TOP6BL: variants seen among roughly 807,000 people sequenced by gnomAD.
TOP6BL encodes TOP6B like initiator of meiotic double strand breaks.
chr11:66,835,424 G>T, the TOP6BL span, among the ~76,000 whole-genome samples: 5 of 152,280 alleles, frequency 3.3e-5, 1 homozygote, highest in East Asian at 9.6e-4. Flanking sequence ...CTCTCATGGA[G>T]ATAATTCATA....
At chr11:66,842,985 CCTCA>C in the TOP6BL span, 1 of 1,550,538 alleles carries the variant, frequency 6.4e-7, no homozygotes. Flanking sequence ...CCGCGGCCCC[CCTCA>C]CTCCTAGAGG....
At chr11:66,744,770 T>C in the TOP6BL span, 11 of 1,219,278 alleles carry the variant, frequency 9.0e-6, no homozygotes, top group South Asian at 2.8e-4. Context: ...GGCGTGGGCG[T>C]GGACTCGGGC....
chr11:66,759,219 C>T, the TOP6BL span: 3 of 617,566 alleles, frequency 4.9e-6, no homozygotes, highest in South Asian at 7.0e-5. Flanking sequence ...TACAGGATGC[C>T]CACTTAAATT....
At chr11:66,773,667 A>G in the TOP6BL span, among the ~76,000 whole-genome samples, 1 of 151,972 alleles carries the variant, frequency 6.6e-6, no homozygotes, top group Non-Finnish European at 1.5e-5. Flanking sequence ...TTCTAGTTTT[A>G]TAAAGTGAAA....
the TOP6BL span, among the ~76,000 whole-genome samples, chr11:66,837,843 C>G: frequency 6.6e-6 from 1 of 152,142 alleles, no homozygotes; most frequent in Non-Finnish European, 1.5e-5. Flanking sequence ...GTAAGAACCT[C>G]TTTTTCTCTG....
chr11:66,833,718 C>A, the TOP6BL span, among the ~76,000 whole-genome samples: 1 of 152,070 alleles, frequency 6.6e-6, no homozygotes, highest in African/African-American at 2.4e-5. Context: ...GAGGGCAAGG[C>A]AGGTGGATCA....
the TOP6BL span, among the ~76,000 whole-genome samples, chr11:66,752,619 A>G: frequency 6.6e-6 from 1 of 151,644 alleles, no homozygotes; most frequent in Non-Finnish European, 1.5e-5. Flanking sequence ...TGCCTGGCTA[A>G]TTTTTGTATT....
the TOP6BL span, chr11:66,803,942 A>G: frequency 6.8e-7 from 1 of 1,466,014 alleles, no homozygotes; most frequent in Non-Finnish European, 9.4e-7. Flanking sequence ...GCTCTTTTAA[A>G]TAATTTCTTA....
the TOP6BL span, among the ~76,000 whole-genome samples, chr11:66,745,468 C>G: frequency 1.3e-5 from 2 of 152,170 alleles, no homozygotes; most frequent in African/African-American, 2.4e-5. Flanking sequence ...CACCTGTGCT[C>G]GGGGAGCTGC....
At chr11:66,755,422 G>T in the TOP6BL span, among the ~76,000 whole-genome samples, 1 of 152,110 alleles carries the variant, frequency 6.6e-6, no homozygotes, top group African/African-American at 2.4e-5. Context: ...TGCCTAGCCT[G>T]TAGTGTCTAG....
At chr11:66,763,815 G>A in the TOP6BL span, among the ~76,000 whole-genome samples, 1 of 152,020 alleles carries the variant, frequency 6.6e-6, no homozygotes, top group African/African-American at 2.4e-5. Context: ...TTGTTGCCCT[G>A]GCTGGTCTCA....
the TOP6BL span, chr11:66,745,016 C>G: frequency 8.4e-7 from 1 of 1,186,270 alleles, no homozygotes; most frequent in Non-Finnish European, 1.1e-6. Flanking sequence ...CGGGCGTCGC[C>G]TAAGGTGAAG....
At chr11:66,745,096 C>T in the TOP6BL span, among the ~76,000 whole-genome samples, 1 of 152,080 alleles carries the variant, frequency 6.6e-6, no homozygotes, top group African/African-American at 2.4e-5. Flanking sequence ...TGAGGGCTCT[C>T]GCTCGCGGGG....
chr11:66,813,845 GTTTTC>G, the TOP6BL span: 1 of 1,611,504 alleles, frequency 6.2e-7, no homozygotes, highest in East Asian at 2.2e-5. Flanking sequence ...AAATTTGGCA[GTTTTC>G]TTTAGCAACT....
At chr11:66,774,728 C>A in the TOP6BL span, among the ~76,000 whole-genome samples, 1 of 152,052 alleles carries the variant, frequency 6.6e-6, no homozygotes, top group Non-Finnish European at 1.5e-5. Context: ...GCCTTTGCCT[C>A]CCAAAGTGCT....
the TOP6BL span, among the ~76,000 whole-genome samples, chr11:66,832,003 A>G: frequency 6.6e-6 from 1 of 150,720 alleles, no homozygotes; most frequent in Non-Finnish European, 1.5e-5. Flanking sequence ...TCTCAAAAAA[A>G]AAAAAAAAAA....
At chr11:66,828,968 G>GTT in the TOP6BL span, among the ~76,000 whole-genome samples, 5 of 129,212 alleles carry the variant, frequency 3.9e-5, no homozygotes, top group African/African-American at 1.4e-4. Flanking sequence ...GTGTGTGTGT[G>GTT]TTTTTTGTTT....
At chr11:66,765,082 A>C in the TOP6BL span, among the ~76,000 whole-genome samples, 1 of 152,222 alleles carries the variant, frequency 6.6e-6, no homozygotes. Flanking sequence ...TGGTCAGATC[A>C]TATATAAGGC....
At chr11:66,779,243 A>G in the TOP6BL span, among the ~76,000 whole-genome samples, 10 of 152,340 alleles carry the variant, frequency 6.6e-5, no homozygotes, top group African/African-American at 2.4e-4. Context: ...AGAATGGGAG[A>G]AAATTTTTGC....
Sources: gnomAD v4.1 joint callset for allele counts (sites outside exome capture counted in the v4.1 genomes callset) on GRCh38, gnomAD v4.1.1 for gene constraint, MANE v1.5 for transcripts, NCBI Gene and HGNC (gene_info 2026-07-23, HGNC 2026-07-21) for gene names.